KCNMA1: variants seen among roughly 807,000 people sequenced by gnomAD.
The protein encoded by KCNMA1 is Calcium-activated potassium channel subunit alpha-1.
In KCNMA1, 29 loss-of-function variants were observed where a neutral mutation model predicts 140.0. The ratio of observed to expected loss-of-function variants is 0.21; its 90% confidence interval spans 0.15 to 0.28. The LOEUF (loss-of-function observed/expected upper bound fraction) is 0.28, where lower values mean the gene tolerates loss of function less well. KCNMA1 is among the 10% of genes least tolerant of loss of function. The pLI, the probability that KCNMA1 is intolerant of heterozygous loss-of-function variation, is 1.00. For synonymous variants in KCNMA1, 612 were observed against 611.9 expected, an observed-to-expected ratio of 1.00 and a Z score of 0.00; for missense variants, 880 against 1,602.2, an observed-to-expected ratio of 0.55 and a Z score of 7.70.
chr10:77,471,283 C>T (rs1233221796), intron 1 of KCNMA1, among the ~76,000 whole-genome samples: 2 of 150,928 alleles, frequency 1.3e-5, no homozygotes, highest in African/African-American at 4.9e-5. Flanking sequence ...ATACACACCA[C>T]ACATGTAACA....
intron 3 of KCNMA1, among the ~76,000 whole-genome samples, chr10:77,200,762 T>G (rs1377950240): frequency 6.6e-6 from 1 of 152,216 alleles, no homozygotes. Context: ...TAGGGGTACC[T>G]GGACATAGTA....
chr10:77,357,044 C>T (rs2093554319), intron 2 of KCNMA1, among the ~76,000 whole-genome samples: 1 of 152,112 alleles, frequency 6.6e-6, no homozygotes, highest in Non-Finnish European at 1.5e-5. Flanking sequence ...AAGAAGGCTG[C>T]CCAAGTATAA....
chr10:77,091,544 A>G (rs2096818203), intron 9 of KCNMA1: 1 of 152,206 alleles, frequency 6.6e-6, no homozygotes, highest in African/African-American at 2.4e-5. Flanking sequence ...AGATAAAACC[A>G]CTGGCTTCTA....
At chr10:77,322,742 T>G (rs1032833385) in intron 2 of KCNMA1, among the ~76,000 whole-genome samples, 4 of 152,114 alleles carry the variant, frequency 2.6e-5, no homozygotes, top group African/African-American at 7.2e-5. Flanking sequence ...ACCAGATCAT[T>G]GTTCCCAAAC....
In KCNMA1 at chr10:77,637,080, C is replaced by T. The variant is rs1052075208; in HGVS notation, c.378+185G>A. 16 of 1,341,322 alleles carry T rather than the reference C, an allele frequency of 1.2e-5. No individual in the cohort carries two copies. The African/African-American group carries it at 2.4e-4, about 20-fold the overall frequency. 83.1% of individuals were successfully genotyped at this position (1,341,322 alleles called of 1,614,324 possible). A position where few individuals can be genotyped will look rare whatever the true frequency, so the allele number is the denominator to read the frequency against. ...CTGGCTGGGGGCAACTCCTCACCCC[C>T]GGCGCGCCGCCCGCTGCCCCGATCC... On this transcript the variant is annotated intron_variant, in intron 1 of 27. Coordinates refer to ENST00000286628, the MANE Select transcript of KCNMA1 (RefSeq NM_001161352.2).
chr10:77,619,316 CT>C (rs2090617680), intron 1 of KCNMA1, among the ~76,000 whole-genome samples: 1 of 820 alleles, frequency 1.2e-3, no homozygotes, highest in Non-Finnish European at 2.4e-3. Flanking sequence ...GTCTGTCTGT[CT>C]CTCTCTCTCT....
At chr10:77,533,466 G>A (rs974748349) in intron 1 of KCNMA1, among the ~76,000 whole-genome samples, 1 of 152,174 alleles carries the variant, frequency 6.6e-6, no homozygotes, top group Non-Finnish European at 1.5e-5. Flanking sequence ...CCAAACAAGA[G>A]GAAGGCAGGC....
intron 5 of KCNMA1, among the ~76,000 whole-genome samples, chr10:77,160,689 C>T (rs1438948182): frequency 6.6e-6 from 1 of 152,240 alleles, no homozygotes; most frequent in Non-Finnish European, 1.5e-5. Flanking sequence ...ACATCCATCT[C>T]ACAGAGTTTA....
At chr10:77,598,418 A>G (rs2081569128) in intron 1 of KCNMA1, among the ~76,000 whole-genome samples, 1 of 152,200 alleles carries the variant, frequency 6.6e-6, no homozygotes, top group East Asian at 1.9e-4. Flanking sequence ...CTGTTTGCCT[A>G]TCTTGACCCG....
chr10:76,887,178 GA>G lies in KCNMA1; in HGVS notation c.*87del. The G allele has an allele frequency of 1.2e-6, 2 of 1,612,584 alleles. No homozygotes were observed. The highest frequency in any genetic ancestry group is 1.7e-6 in the Non-Finnish European group (2 of 1,179,912). On this transcript the variant is annotated 3_prime_UTR_variant, in exon 28 of 28. Transcript: ENST00000286628. ...AAAAAAAAAGGGGGGGACTACAGGGGAAAACAGGGAAAGTTACTTTGTTGGA... is the reference window on the plus strand; with the variant it reads ...AAAAAAAAAGGGGGGGACTACAGGGGAAACAGGGAAAGTTACTTTGTTGGA...
chr10:77,517,302 G>A (rs775880995), intron 1 of KCNMA1, among the ~76,000 whole-genome samples: 3 of 152,098 alleles, frequency 2.0e-5, no homozygotes, highest in Admixed American at 6.5e-5. Context: ...AGCAGTAACC[G>A]GGCAGGCAAA....
At chr10:77,559,179 C>T (rs968837505) in intron 1 of KCNMA1, among the ~76,000 whole-genome samples, 4 of 152,202 alleles carry the variant, frequency 2.6e-5, no homozygotes, top group Non-Finnish European at 4.4e-5. Flanking sequence ...ATGGGGCATA[C>T]GTCCAGGACT....
At chr10:77,136,722 G>T (rs1281931240) in intron 5 of KCNMA1, among the ~76,000 whole-genome samples, 5 of 152,082 alleles carry the variant, frequency 3.3e-5, no homozygotes, top group Admixed American at 2.0e-4. Context: ...TGTTACAAAG[G>T]CAGACATTTT....
chr10:77,577,918 C>T (rs1292062790), intron 1 of KCNMA1, among the ~76,000 whole-genome samples: 1 of 152,226 alleles, frequency 6.6e-6, no homozygotes, highest in East Asian at 1.9e-4. Flanking sequence ...TCTGCAGGTA[C>T]CTTGATAAAC....
chr10:77,314,776 C>A (rs573930342), intron 2 of KCNMA1, among the ~76,000 whole-genome samples: 2 of 152,236 alleles, frequency 1.3e-5, no homozygotes, highest in Non-Finnish European at 2.9e-5. Flanking sequence ...AAGCCTGCAT[C>A]CACCTAGCAG....
intron 19 of KCNMA1, among the ~76,000 whole-genome samples, chr10:76,996,181 C>G (rs1196512341): frequency 6.6e-6 from 1 of 152,210 alleles, no homozygotes; most frequent in South Asian, 2.1e-4. Flanking sequence ...GAGCTCTTGA[C>G]AGATGAGCGA....
intron 24 of KCNMA1, chr10:76,911,596 C>G (rs533668651): frequency 2.0e-5 from 3 of 152,334 alleles, no homozygotes; most frequent in South Asian, 2.1e-4. Flanking sequence ...GTAAGCCTGG[C>G]CCAGCATCTG....
chr10:77,310,640 C>T lies in KCNMA1; in HGVS notation c.541-59384G>A, dbSNP rs200028990. Among the ~76,000 whole-genome samples the T allele has an allele frequency of 4.5e-4, 69 of 152,248 alleles. No homozygotes were observed. In the East Asian group the frequency reaches 0.012, roughly 26 times the overall value. ...TGAGCAGCCTTGGCCCGCAGACAGA[C>T]GAGCTTTGGAGGAAATAGGAGGAAT... On this transcript the variant is annotated intron_variant, in intron 2 of 27. Transcript: ENST00000286628.
At chr10:77,284,980 A>C (rs1230006142) in intron 2 of KCNMA1, among the ~76,000 whole-genome samples, 1 of 152,230 alleles carries the variant, frequency 6.6e-6, no homozygotes, top group African/African-American at 2.4e-5. Context: ...GCATTAACAA[A>C]CTGGCTTTTC....
Sources: allele counts gnomAD v4.1 joint callset (sites outside exome capture counted in the v4.1 genomes callset), GRCh38; gene constraint gnomAD v4.1.1; transcripts MANE v1.5; gene names NCBI Gene and HGNC (gene_info 2026-07-23, HGNC 2026-07-21).